NCAM1: variants seen among roughly 807,000 people sequenced by gnomAD.
NCAM1 encodes the protein neural cell adhesion molecule 1, also known as antigen recognized by monoclonal antibody 5.1H11.
NCAM1 carries 14 observed loss-of-function variants against 109.8 expected under a neutral mutation model. That is an observed-to-expected ratio of 0.13 (90% confidence interval 0.08 to 0.20). The LOEUF (loss-of-function observed/expected upper bound fraction) is 0.20. Ranked by LOEUF, NCAM1 falls within the 10% of genes least tolerant of loss-of-function variation. The pLI is 1.00. For missense variants in NCAM1, 774 were observed against 1,109.9 expected (o/e 0.70, Z 4.30); for synonymous variants, 418 against 442.9 (o/e 0.94, Z 0.70).
At chr11:113,031,360 C>T (rs374302452) in intron 1 of NCAM1, among the ~76,000 whole-genome samples, 15 of 152,080 alleles carry the variant, frequency 9.9e-5, no homozygotes, top group African/African-American at 3.4e-4. Context: ...GCGACATCAC[C>T]GTCAAAAGCA....
chr11:113,230,429 C>T (rs138675783), intron 9 of NCAM1, among the ~76,000 whole-genome samples: 15 of 152,290 alleles, frequency 9.8e-5, no homozygotes, highest in African/African-American at 3.1e-4. Flanking sequence ...CTCAGATGAC[C>T]GGAATAGGCT....
At chr11:113,248,880 AAAG>A (rs1248236708) in intron 15 of NCAM1, among the ~76,000 whole-genome samples, 9 of 152,188 alleles carry the variant, frequency 5.9e-5, no homozygotes, top group South Asian at 2.1e-4. Context: ...CTGTCCCAGA[AAAG>A]AAGAAGTGAG....
chr11:113,000,634 A>C (rs1048011527), intron 1 of NCAM1, among the ~76,000 whole-genome samples: 1 of 151,902 alleles, frequency 6.6e-6, no homozygotes, highest in Non-Finnish European at 1.5e-5. Flanking sequence ...TACAGATGGC[A>C]TCTTCTGGGG....
At chr11:113,198,460 C>T (rs979079268) in intron 1 of NCAM1, among the ~76,000 whole-genome samples, 3 of 151,936 alleles carry the variant, frequency 2.0e-5, no homozygotes, top group Non-Finnish European at 2.9e-5. Flanking sequence ...CAACCTCCAC[C>T]TCCCGGGTTC....
Position 113,232,817 on chromosome 11 carries a change from G to A in NCAM1, c.1522+3G>A, listed in dbSNP as rs782617527. 1.9e-6 allele frequency: 3 copies of A among 1,612,180 alleles called. No homozygotes were observed. Among genetic ancestry groups the A allele is most frequent in the Non-Finnish European group, 2.5e-6 (3 of 1,178,416 alleles). ...GGAATTCATCCTTGTTCAAGCAGGTGAGTGTCCCTTACTCACCTGAGAGCA... is the reference window on the plus strand; with the variant it reads ...GGAATTCATCCTTGTTCAAGCAGGTAAGTGTCCCTTACTCACCTGAGAGCA... On this transcript the variant is annotated splice_donor_region_variant and intron_variant, in intron 12 of 19. Coordinates refer to ENST00000316851, the MANE Select transcript of NCAM1 (RefSeq NM_181351.5).
chr11:113,231,819 C>T (rs781936879), intron 10 of NCAM1, 24 bp downstream of exon 10: 2 of 1,613,532 alleles, frequency 1.2e-6, no homozygotes, highest in Non-Finnish European at 1.7e-6. Context: ...GGGGAAGGAC[C>T]TGGGGGAGGG....
intron 1 of NCAM1, among the ~76,000 whole-genome samples, chr11:113,182,065 G>A (rs568663812): frequency 1.3e-5 from 2 of 152,232 alleles, no homozygotes; most frequent in South Asian, 2.1e-4. Context: ...AGCCCTGGTT[G>A]GAATGATGTT....
At chr11:113,162,292 A>G (rs1942627554) in intron 1 of NCAM1, among the ~76,000 whole-genome samples, 1 of 152,052 alleles carries the variant, frequency 6.6e-6, no homozygotes, top group Non-Finnish European at 1.5e-5. Flanking sequence ...CATTAGAAGC[A>G]TGTTTTTTGT....
chr11:113,257,108 C>T (rs1945852993), intron 16 of NCAM1, among the ~76,000 whole-genome samples: 1 of 152,198 alleles, frequency 6.6e-6, no homozygotes, highest in Non-Finnish European at 1.5e-5. Flanking sequence ...GTAGGAAAGG[C>T]CTGTCACTGC....
chr11:113,066,853 A>G (rs1937984630), intron 1 of NCAM1, among the ~76,000 whole-genome samples: 1 of 151,886 alleles, frequency 6.6e-6, no homozygotes, highest in African/African-American at 2.4e-5. Context: ...ACGAAAAAGA[A>G]ATTAGCCAGG....
rs552415407 is a variant in NCAM1 at position 113,201,796 on chromosome 11, T to A, written c.53-583T>A. Reference sequence around the variant, plus strand: ...GCTCCTGTTATGGAAAAAGGTGTGTTGGTCCTGTAGTCGTGAGGGAAGGTG... The same window carrying A: ...GCTCCTGTTATGGAAAAAGGTGTGTAGGTCCTGTAGTCGTGAGGGAAGGTG... On this transcript the variant is annotated intron_variant, in intron 1 of 19. Transcript: ENST00000316851. Among the ~76,000 whole-genome samples, 233 of 152,344 alleles carry A rather than the reference T, an allele frequency of 1.5e-3. 2 individuals carry two copies. The highest frequency in any genetic ancestry group is 5.3e-3 in the African/African-American group (222 of 41,584).
At position 113,235,143 on chromosome 11, in the gene NCAM1, G is replaced by C; in HGVS notation, c.1804G>C (p.Glu602Gln). 6 of 1,613,764 alleles carry C rather than the reference G, an allele frequency of 3.7e-6. No individual in the cohort carries two copies. Among genetic ancestry groups the C allele is most frequent in the Non-Finnish European group, 5.1e-6 (6 of 1,179,788 alleles). Residue 602 changes from glutamate (E) to glutamine (Q), a missense_variant, in exon 14 of 20, where the codon GAG becomes CAG. Physicochemically the swap from Glu to Gln is conservative, Grantham distance 29 (BLOSUM62 2). Coordinates refer to ENST00000316851, the MANE Select transcript of NCAM1 (RefSeq NM_181351.5). ...GCTGGGTGAGATCAGCGCGGCCTCC[G>C]AGTTCAAGACGCAGCCAGTCCGTAA... ...KGLGEISAAS[E>Q]FKTQPVQGEP...
intron 1 of NCAM1, among the ~76,000 whole-genome samples, chr11:113,032,879 G>GTTT (rs1317410821): frequency 6.6e-6 from 1 of 152,174 alleles, no homozygotes; most frequent in Non-Finnish European, 1.5e-5. Context: ...AATTGAAAGA[G>GTTT]TTTTCTAAAT....
chr11:113,067,257 C>T (rs545767268), intron 1 of NCAM1, among the ~76,000 whole-genome samples: 125 of 152,276 alleles, frequency 8.2e-4, no homozygotes, highest in African/African-American at 2.9e-3. Context: ...GTAACAAAGA[C>T]ACTTTTTCCT....
intron 1 of NCAM1, among the ~76,000 whole-genome samples, chr11:113,009,979 G>A (rs1952005560): frequency 6.6e-6 from 1 of 151,840 alleles, no homozygotes; most frequent in African/African-American, 2.4e-5. Context: ...CCAGTGTACA[G>A]GCTAAGAAGT....
intron 15 of NCAM1, among the ~76,000 whole-genome samples, 200 bp downstream of exon 15, chr11:113,246,570 T>A (rs1945508566): frequency 6.6e-6 from 1 of 152,246 alleles, no homozygotes; most frequent in Non-Finnish European, 1.5e-5. Context: ...TTTGGTTTGG[T>A]ATTTTGCTTC....
At chr11:113,258,295 G>A (rs1299118895) in intron 16 of NCAM1, among the ~76,000 whole-genome samples, 2 of 152,152 alleles carry the variant, frequency 1.3e-5, no homozygotes, top group African/African-American at 2.4e-5. Flanking sequence ...CAAACTGTTT[G>A]GTGAGGGAGG....
At chr11:113,205,787 G>A in intron 4 of NCAM1, 121 bp downstream of exon 4, 3 of 1,364,634 alleles carry the variant, frequency 2.2e-6, no homozygotes, top group Non-Finnish European at 3.0e-6. Context: ...ACCCTCATGT[G>A]GTTTCTGGGT....
chr11:113,204,425 C>T lies in NCAM1; in HGVS notation c.267C>T (p.Asp89=), dbSNP rs200538356. ...TCACCATCTATAACGCCAACATCGA[C>T]GACGCCGGCATTTACAAGTGTGTGG... The part of the protein sequence containing the change: ...STLTIYNANI[D]DAGIYKCVVT... The change falls in exon 3 of 20, where the codon GAC becomes GAT. Residue 89 remains aspartate (D), a synonymous_variant. Coordinates refer to ENST00000316851, the MANE Select transcript of NCAM1 (RefSeq NM_181351.5). The T allele has an allele frequency of 5.3e-5, 85 of 1,613,860 alleles. No individual in the cohort carries two copies. Among genetic ancestry groups the T allele is most frequent in the Non-Finnish European group, 6.2e-5 (73 of 1,179,896 alleles).
Sources: gnomAD v4.1 joint callset for allele counts (sites outside exome capture counted in the v4.1 genomes callset) on GRCh38, gnomAD v4.1.1 for gene constraint, MANE v1.5 for transcripts, NCBI Gene and HGNC (gene_info 2026-07-23, HGNC 2026-07-21) for gene names.